Variants in SCN1A observed in about 807,000 individuals in gnomAD.
SCN1A encodes the protein sodium voltage-gated channel alpha subunit 1.
Under a neutral mutation model 193.7 loss-of-function variants are expected in SCN1A, and 13 were observed. The observed-to-expected ratio is 0.07, with a 90% CI of 0.04 to 0.11. SCN1A has a LOEUF of 0.11. SCN1A is among the 10% of genes least tolerant of loss of function. SCN1A has a pLI of 1.00. For synonymous variants in SCN1A, 781 were observed against 843.6 expected, an observed-to-expected ratio of 0.93 and a Z score of 1.29; for missense variants, 1,432 against 2,451.1, an observed-to-expected ratio of 0.58 and a Z score of 8.78.
In SCN1A at chr2:166,098,196, G is replaced by T. The variant is rs149889724; in HGVS notation, c.-141-20395C>A. ...ATGATCAAGTAGGCTTTATTCCTAG[G>T]ATGCAAGGTTGGTTCAACATATACA... On this transcript the variant is annotated intron_variant, in intron 2 of 28. Transcript: ENST00000674923. Among the ~76,000 whole-genome samples, 709 of 152,196 alleles carry T rather than the reference G, an allele frequency of 4.7e-3. 10 individuals carry two copies. The highest frequency in any genetic ancestry group is 0.016 in the African/African-American group (647 of 41,520).
upstream of SCN1A, chr2:166,128,195 A>G (rs905254201): frequency 6.6e-6 from 1 of 151,610 alleles, no homozygotes; most frequent in Non-Finnish European, 1.5e-5. Flanking sequence ...CTTCTCTGTA[A>G]TCTCCCAGTA....
At chr2:166,089,829 T>C (rs1450111291) in intron 2 of SCN1A, among the ~76,000 whole-genome samples, 1 of 152,158 alleles carries the variant, frequency 6.6e-6, no homozygotes, top group Non-Finnish European at 1.5e-5. Context: ...ACATGGATGA[T>C]GGTAAATGTT....
At chr2:166,050,989 T>C (rs1698492583) in intron 9 of SCN1A, among the ~76,000 whole-genome samples, 1 of 151,926 alleles carries the variant, frequency 6.6e-6, no homozygotes, top group Admixed American at 6.6e-5. Flanking sequence ...TTCTGATACA[T>C]TAAAGACATT....
At chr2:166,108,281 T>C (rs533104273) in intron 2 of SCN1A, among the ~76,000 whole-genome samples, 1 of 151,992 alleles carries the variant, frequency 6.6e-6, no homozygotes, top group South Asian at 2.1e-4. Context: ...GGAATGACTA[T>C]AATAATAATA....
chr2:166,140,679 A>G (rs1016259262), intron 1 of SCN1A, among the ~76,000 whole-genome samples: 2 of 152,336 alleles, frequency 1.3e-5, no homozygotes, highest in African/African-American at 4.8e-5. Context: ...AAGCTAGCAA[A>G]GCAGAACTGC....
At chr2:166,145,735 A>G (rs945521232) in intron 1 of SCN1A, among the ~76,000 whole-genome samples, 1 of 152,228 alleles carries the variant, frequency 6.6e-6, no homozygotes, top group Non-Finnish European at 1.5e-5. Context: ...ACTTAAATTC[A>G]ATATTCCTTC....
In SCN1A at chr2:166,045,274, G is replaced by A; in HGVS notation, c.1431C>T (p.Gly477=). 6.2e-7 allele frequency: 1 copy of A among 1,614,142 alleles called. No homozygotes were observed. The highest frequency in any genetic ancestry group is 8.5e-7 in the Non-Finnish European group (1 of 1,180,014). The change falls in exon 13 of 29, where the codon GGC becomes GGT. Residue 477 remains glycine, a synonymous_variant. Coordinates refer to ENST00000674923, the MANE Select transcript of SCN1A (RefSeq NM_001165963.4). The part of the protein sequence containing the change: ...SEHSREPSAA[G]RLSDSSSEAS... The stretch of plus-strand genomic sequence containing the variant: ...CTTCAGATGAGCTGTCTGAGAGCCT[G>A]CCTGCTGCACTGGGCTCTCTGGAAT...
intron 2 of SCN1A, among the ~76,000 whole-genome samples, chr2:166,118,302 CTTTTTTTTTTTTT>C (rs61002916): frequency 1.2e-5 from 1 of 81,072 alleles, no homozygotes; most frequent in South Asian, 4.8e-4. Context: ...TATTTAGTTT[CTTTTTTTTTTTTT>C]TTTTTTTTTT....
chr2:166,141,882 T>C (rs1207893060), intron 1 of SCN1A, among the ~76,000 whole-genome samples: 7 of 152,182 alleles, frequency 4.6e-5, no homozygotes, highest in African/African-American at 7.2e-5. Context: ...TAGGTATCAA[T>C]AGATTTCCCT....
intron 7 of SCN1A, chr2:166,053,229 TA>T (rs1559242872): frequency 3.2e-6 from 2 of 631,232 alleles, no homozygotes; most frequent in South Asian, 3.9e-5. Context: ...AAATGATAAA[TA>T]TTATAAGTGG....
At chr2:165,993,702 T>C (rs1689609102) in intron 28 of SCN1A, 1 of 174,400 alleles carries the variant, frequency 5.7e-6, no homozygotes, top group Non-Finnish European at 1.2e-5. Flanking sequence ...ATTCTCTTTT[T>C]ATGCAATACT....
intron 25 of SCN1A, 50 bp downstream of exon 25, chr2:165,999,673 T>G: frequency 3.1e-6 from 4 of 1,274,200 alleles, no homozygotes; most frequent in Non-Finnish European, 4.6e-6. Flanking sequence ...CGATTAATTT[T>G]ACCACCTGAT....
intron 1 of SCN1A, among the ~76,000 whole-genome samples, chr2:166,146,103 C>G (rs1345804605): frequency 1.3e-5 from 2 of 152,132 alleles, no homozygotes; most frequent in Non-Finnish European, 2.9e-5. Context: ...GGTCACTTGA[C>G]AGAGTGGTTA....
chr2:166,013,928 AAAGT>A, intron 20 of SCN1A, 30 bp from the exon 21 acceptor site: 1 of 1,607,200 alleles, frequency 6.2e-7, no homozygotes, highest in Non-Finnish European at 8.5e-7. Flanking sequence ...AAAAGTAGAT[AAAGT>A]GTCTCTGCTT....
intron 2 of SCN1A, 107 bp from the exon 3 acceptor site, chr2:166,077,908 A>G (rs1387017916): frequency 5.3e-5 from 8 of 151,936 alleles, no homozygotes. Flanking sequence ...CTATCAAGCC[A>G]TGAAAAGACA....
At chr2:166,037,568 GATAAT>G (rs1179292049) in intron 18 of SCN1A, among the ~76,000 whole-genome samples, 1 of 152,018 alleles carries the variant, frequency 6.6e-6, no homozygotes, top group African/African-American at 2.4e-5. Context: ...TTGTTAAAGT[GATAAT>G]ATATCCAAGG....
At chr2:166,087,498 CCTGTCT>C (rs1445722332) in intron 2 of SCN1A, among the ~76,000 whole-genome samples, 2 of 152,008 alleles carry the variant, frequency 1.3e-5, no homozygotes, top group Non-Finnish European at 2.9e-5. Context: ...GGCACCCCAC[CCTGTCT>C]CTTGTTTCCT....
intron 2 of SCN1A, chr2:166,092,547 G>A (rs77920896): frequency 0.056 from 8,548 of 152,158 alleles, 385 homozygotes; most frequent in African/African-American, 0.12. Context: ...TAATTGTTTC[G>A]TACAGATGAG....
At chr2:166,063,620 G>A (rs1043190567) in intron 4 of SCN1A, among the ~76,000 whole-genome samples, 3 of 151,956 alleles carry the variant, frequency 2.0e-5, no homozygotes, top group Non-Finnish European at 4.4e-5. Flanking sequence ...AATTGATGAA[G>A]GTTACCTTGA....
Sources: allele counts gnomAD v4.1 joint callset (sites outside exome capture counted in the v4.1 genomes callset), GRCh38; gene constraint gnomAD v4.1.1; transcripts MANE v1.5; gene names NCBI Gene and HGNC (gene_info 2026-07-23, HGNC 2026-07-21).